IQCM: variants seen among roughly 807,000 people sequenced by gnomAD.
The protein encoded by IQCM is IQ domain-containing protein M.
A neutral mutation model predicts 57.6 loss-of-function variants in IQCM; 45 were observed. The ratio of observed to expected loss-of-function variants is 0.78; its 90% CI spans 0.62 to 1.00. IQCM has a LOEUF of 1.00. IQCM is among the 50% of genes least tolerant of loss of function. The pLI, the probability that IQCM is intolerant of heterozygous loss-of-function variation, is 0.00. For synonymous variants in IQCM, 148 were observed against 158.9 expected, an observed-to-expected ratio of 0.93 and a Z score of 0.51; for missense variants, 468 against 511.6, an observed-to-expected ratio of 0.91 and a Z score of 0.82.
chr4:149,733,291 A>G lies in IQCM; in HGVS notation c.338T>C (p.Ile113Thr), dbSNP rs138042369. 2.4e-6 allele frequency: 3 copies of G among 1,231,750 alleles called. No homozygotes were observed. Among genetic ancestry groups the G allele is most frequent in the East Asian group, 3.2e-5 (1 of 31,682 alleles). 76.3% of individuals were successfully genotyped at this position (1,231,750 alleles called of 1,614,324 possible). ...PQRISFKEPH[I>T]FSRRERCRPI... Reference sequence around the variant, plus strand: ...CCTGCATCTTTCTCTTCTACTAAAAATGTGTGGTTCCTTGAAGGAGATTCG... The same window carrying G: ...CCTGCATCTTTCTCTTCTACTAAAAGTGTGTGGTTCCTTGAAGGAGATTCG... The change falls in exon 5 of 14, where the codon ATT (isoleucine) becomes ACT (threonine). Residue 113 changes from isoleucine (I) to threonine (T), a missense_variant. Coordinates refer to ENST00000636793, the MANE Select transcript of IQCM (RefSeq NM_001363507.2).
intron 12 of IQCM, among the ~76,000 whole-genome samples, chr4:149,468,557 T>C (rs1739132382): frequency 6.7e-6 from 1 of 149,166 alleles, no homozygotes; most frequent in Non-Finnish European, 1.5e-5. Context: ...GGGCAGGGCA[T>C]AGCTGAACAA....
intron 2 of IQCM, among the ~76,000 whole-genome samples, chr4:149,759,850 A>C (rs1769331123): frequency 6.6e-6 from 1 of 152,170 alleles, no homozygotes; most frequent in South Asian, 2.1e-4. Flanking sequence ...ATACAAAGCA[A>C]AAAGTATATT....
At chr4:149,367,665 T>C (rs1056280294) in intron 13 of IQCM, among the ~76,000 whole-genome samples, 1 of 152,074 alleles carries the variant, frequency 6.6e-6, no homozygotes, top group Non-Finnish European at 1.5e-5. Flanking sequence ...GCAATAAGAT[T>C]TCCAACATGA....
At chr4:149,433,830 C>A (rs569327060) in intron 12 of IQCM, among the ~76,000 whole-genome samples, 1 of 151,898 alleles carries the variant, frequency 6.6e-6, no homozygotes, top group Non-Finnish European at 1.5e-5. Flanking sequence ...AGATACCCAA[C>A]GAACAGCATT....
chr4:149,436,807 T>G (rs1735406765), intron 12 of IQCM, among the ~76,000 whole-genome samples: 1 of 152,114 alleles, frequency 6.6e-6, no homozygotes, highest in African/African-American at 2.4e-5. Context: ...GAGCTCTTCC[T>G]TACCCCTACC....
In IQCM at chr4:149,548,425, G is replaced by T. The variant is rs940812683; in HGVS notation, c.1228+30C>A. The T allele has an allele frequency of 3.3e-6, 4 of 1,229,566 alleles. No homozygotes were observed. The African/African-American group carries it at 6.2e-5, about 19-fold the overall frequency. The allele number at this position is 1,229,566 out of a possible 1,614,324, so 76.2% of individuals were successfully genotyped here. A position where few individuals can be genotyped will look rare whatever the true frequency, so the allele number is the denominator to read the frequency against. Reference sequence around the variant, plus strand: ...AAGAAAGAAGTTGAAAGGAAAAGAAGGGGGGAAAAAGAAATGAGAAACTAC... The same window carrying T: ...AAGAAAGAAGTTGAAAGGAAAAGAATGGGGGAAAAAGAAATGAGAAACTAC... On this transcript the variant is annotated intron_variant, in intron 12 of 13. Transcript: ENST00000636793.
intron 8 of IQCM, among the ~76,000 whole-genome samples, chr4:149,588,384 T>C (rs1003075347): frequency 6.6e-6 from 1 of 151,732 alleles, no homozygotes; most frequent in Non-Finnish European, 1.5e-5. Context: ...AAAATATGGG[T>C]AGAAAAATAA....
chr4:149,591,885 C>T (rs540401931), intron 8 of IQCM, among the ~76,000 whole-genome samples: 1 of 152,150 alleles, frequency 6.6e-6, no homozygotes, highest in East Asian at 1.9e-4. Context: ...CAAGTCTTTG[C>T]TATTGTGAAT....
intron 2 of IQCM, among the ~76,000 whole-genome samples, chr4:149,763,730 A>G (rs1214642330): frequency 1.3e-5 from 2 of 152,126 alleles, no homozygotes; most frequent in Non-Finnish European, 2.9e-5. Flanking sequence ...CCAGGATTCA[A>G]TCCAGACTCC....
At chr4:149,410,692 A>G (rs1733323292) in intron 13 of IQCM, among the ~76,000 whole-genome samples, 1 of 151,920 alleles carries the variant, frequency 6.6e-6, no homozygotes, top group Non-Finnish European at 1.5e-5. Context: ...AGCTATTTTC[A>G]ATGACATTTA....
At chr4:149,532,509 CTTTTT>C (rs760116885) in intron 12 of IQCM, among the ~76,000 whole-genome samples, 4 of 123,034 alleles carry the variant, frequency 3.3e-5, no homozygotes, top group Non-Finnish European at 3.5e-5. Flanking sequence ...GGATAATTAT[CTTTTT>C]TTTTTTTTTT....
At chr4:149,390,870 A>AGTTTT (rs1731801236) in intron 13 of IQCM, among the ~76,000 whole-genome samples, 1 of 151,384 alleles carries the variant, frequency 6.6e-6, no homozygotes, top group Non-Finnish European at 1.5e-5. Flanking sequence ...ATTTGTCTGT[A>AGTTTT]GTTTTGTTTT....
chr4:149,667,403 C>T (rs1579923826), intron 7 of IQCM, among the ~76,000 whole-genome samples: 3 of 152,006 alleles, frequency 2.0e-5, no homozygotes, highest in Admixed American at 1.3e-4. Flanking sequence ...AAAAGGACAA[C>T]CACACAAAAA....
intron 5 of IQCM, among the ~76,000 whole-genome samples, chr4:149,687,492 T>C (rs989914412): frequency 2.0e-5 from 3 of 151,606 alleles, no homozygotes; most frequent in African/African-American, 7.3e-5. Context: ...TAGCATTTTG[T>C]ATTATAAGTA....
intron 7 of IQCM, among the ~76,000 whole-genome samples, chr4:149,658,518 T>C (rs1232586115): frequency 3.3e-5 from 5 of 152,032 alleles, no homozygotes; most frequent in African/African-American, 7.2e-5. Context: ...TTTTAAGATA[T>C]TTTTTCTATT....
At chr4:149,751,044 G>A (rs186924053) in intron 2 of IQCM, among the ~76,000 whole-genome samples, 51 of 152,214 alleles carry the variant, frequency 3.4e-4, no homozygotes, top group Admixed American at 6.5e-4. Flanking sequence ...GTTTTGGAGC[G>A]TTTATATGTA....
intron 7 of IQCM, among the ~76,000 whole-genome samples, chr4:149,658,591 T>C (rs1168703667): frequency 6.6e-6 from 1 of 152,108 alleles, no homozygotes; most frequent in Non-Finnish European, 1.5e-5. Context: ...TTTAACAATG[T>C]TAATTCTTCC....
chr4:149,596,588 G>T (rs539771226), intron 8 of IQCM, among the ~76,000 whole-genome samples: 1 of 152,224 alleles, frequency 6.6e-6, no homozygotes, highest in Non-Finnish European at 1.5e-5. Flanking sequence ...CATAAACCAA[G>T]ATTTTTTAAA....
intron 13 of IQCM, among the ~76,000 whole-genome samples, chr4:149,421,573 A>G (rs927561639): frequency 1.3e-5 from 2 of 151,868 alleles, no homozygotes; most frequent in Non-Finnish European, 2.9e-5. Context: ...TTATTAAATA[A>G]CTCTAGTATC....
Sources: gnomAD v4.1 joint callset for allele counts (sites outside exome capture counted in the v4.1 genomes callset) on GRCh38, gnomAD v4.1.1 for gene constraint, MANE v1.5 for transcripts, NCBI Gene and HGNC (gene_info 2026-07-23, HGNC 2026-07-21) for gene names.